RSBN1: variants seen among roughly 807,000 people sequenced by gnomAD.
The protein encoded by RSBN1 is round spermatid basic protein 1.
RSBN1 carries 23 observed loss-of-function variants against 74.8 expected under a neutral mutation model. The observed-to-expected ratio is 0.31, with a 90% CI of 0.22 to 0.44. RSBN1 has a LOEUF of 0.44. RSBN1 is among the 20% of genes least tolerant of loss of function. The pLI, the probability that RSBN1 is intolerant of heterozygous loss-of-function variation, is 1.00. For missense variants in RSBN1, 808 were observed against 1,020.9 expected, an observed-to-expected ratio of 0.79 and a Z score of 2.84; for synonymous variants, 407 against 379.6, an observed-to-expected ratio of 1.07 and a Z score of -0.84.
chr1:113,805,843 T>G (rs192534426), intron 1 of RSBN1, among the ~76,000 whole-genome samples: 1 of 152,298 alleles, frequency 6.6e-6, no homozygotes, highest in Admixed American at 6.5e-5. Context: ...GGTGGCAAAC[T>G]TCTCTAAAGA....
intron 1 of RSBN1, among the ~76,000 whole-genome samples, chr1:113,810,991 A>G (rs1660827862): frequency 6.6e-6 from 1 of 152,174 alleles, no homozygotes; most frequent in Non-Finnish European, 1.5e-5. Context: ...GAATTAACAG[A>G]TCCACAAAGT....
At chr1:113,796,486 A>T (rs1447971600) in intron 2 of RSBN1, among the ~76,000 whole-genome samples, 1 of 151,992 alleles carries the variant, frequency 6.6e-6, no homozygotes, top group Non-Finnish European at 1.5e-5. Context: ...TTACGGCAAC[A>T]ATCTATTTAC....
Position 113,768,252 on chromosome 1 carries a change from C to A in RSBN1, c.1796G>T (p.Gly599Val). 1 of 1,611,554 alleles carries A rather than the reference C, an allele frequency of 6.2e-7. No individual in the cohort carries two copies. The highest frequency in any genetic ancestry group is 8.5e-7 in the Non-Finnish European group (1 of 1,178,954). ...ACCAAATTGTACAGCTTTCAAAACT[C>A]CAACAGCAGCCGTACTCTGCCAGTC... ...GFDWQSTAAVGVLKAVQFGEW... is the reference protein window; with the variant it reads ...GFDWQSTAAVVVLKAVQFGEW... Residue 599 changes from glycine (G) to valine (V), a missense_variant, in exon 5 of 7, where the codon GGA becomes GTA. By Grantham distance (109) the Gly-to-Val change is moderately radical. Transcript: ENST00000261441.
In RSBN1 at chr1:113,797,820, T is replaced by A. The variant is rs1317402601; in HGVS notation, c.920A>T (p.Glu307Val). Residue 307 changes from glutamate to valine, a missense_variant, in exon 2 of 7, where the codon GAG becomes GTG. Physicochemically the swap from Glu to Val is moderately radical, Grantham distance 121 (BLOSUM62 -2). This residue lies in a region of RSBN1 where 85 missense variants were observed against 126.2 expected (regional missense o/e 0.67). Coordinates refer to ENST00000261441, the MANE Select transcript of RSBN1 (RefSeq NM_018364.5). ...QINSTSGLNK[E>V]SFRYLKDEQL... Reference sequence around the variant, plus strand: ...TTCATCTTTCAGATACCTGAAGGACTCCTTATTAAGTCCTGAAGTGCTATT... The same window carrying A: ...TTCATCTTTCAGATACCTGAAGGACACCTTATTAAGTCCTGAAGTGCTATT... 3 of 1,614,002 alleles carry A rather than the reference T, an allele frequency of 1.9e-6. No individual in the cohort carries two copies. In the South Asian group the frequency reaches 3.3e-5, roughly 18 times the overall value.
chr1:113,782,430 T>C (rs1371271395), intron 2 of RSBN1, among the ~76,000 whole-genome samples: 1 of 152,148 alleles, frequency 6.6e-6, no homozygotes, highest in Non-Finnish European at 1.5e-5. Context: ...AGAACTGCAC[T>C]TAAAGGAAAA....
intron 2 of RSBN1, among the ~76,000 whole-genome samples, chr1:113,778,663 A>C (rs1355378014): frequency 6.6e-6 from 1 of 152,108 alleles, no homozygotes; most frequent in Non-Finnish European, 1.5e-5. Flanking sequence ...TTTTCTCTTG[A>C]ATCTGCCCAA....
intron 2 of RSBN1, among the ~76,000 whole-genome samples, chr1:113,789,036 G>C (rs981705533): frequency 8.5e-5 from 13 of 152,116 alleles, no homozygotes; most frequent in African/African-American, 2.7e-4. Context: ...CTGAGGTAGG[G>C]CTCCTAAACT....
intron 1 of RSBN1, among the ~76,000 whole-genome samples, chr1:113,801,131 A>ACC (rs1177892962): frequency 6.6e-6 from 1 of 151,896 alleles, no homozygotes; most frequent in Non-Finnish European, 1.5e-5. Flanking sequence ...ACAGGCATGT[A>ACC]CCACCACACC....
chr1:113,788,333 A>G (rs1660300255), intron 2 of RSBN1, among the ~76,000 whole-genome samples: 1 of 152,190 alleles, frequency 6.6e-6, no homozygotes, highest in African/African-American at 2.4e-5. Context: ...TAAAGGATGG[A>G]TTTCCACATA....
At chr1:113,783,593 C>T (rs943952743) in intron 2 of RSBN1, among the ~76,000 whole-genome samples, 2 of 152,164 alleles carry the variant, frequency 1.3e-5, no homozygotes, top group African/African-American at 4.8e-5. Context: ...AAGCTAGGCT[C>T]CCTGACAGCT....
Position 113,765,869 on chromosome 1 carries a change from T to C in RSBN1, c.*111A>G, listed in dbSNP as rs1377393137. 2.7e-5 allele frequency: 20 copies of C among 751,440 alleles called. No individual in the cohort carries two copies. Among genetic ancestry groups the C allele is most frequent in the Non-Finnish European group, 4.2e-5 (20 of 472,418 alleles). The allele number at this position is 751,440 out of a possible 1,614,324, so 46.5% of individuals were successfully genotyped here. A position where few individuals can be genotyped will look rare whatever the true frequency, so the allele number is the denominator to read the frequency against. On this transcript the variant is annotated 3_prime_UTR_variant, in exon 7 of 7. Transcript: ENST00000261441. ...ATTTGTGGAATGTCATTTCTCTTTA[T>C]AGAATTATAGGCAAGATTTCTCCAA...
chr1:113,783,062 T>C (rs1660167491), intron 2 of RSBN1, among the ~76,000 whole-genome samples: 2 of 152,154 alleles, frequency 1.3e-5, no homozygotes, highest in Non-Finnish European at 1.5e-5. Context: ...ATCTGGTCCT[T>C]AATAGAAAAA....
chr1:113,792,263 T>C (rs1209117160), intron 2 of RSBN1, among the ~76,000 whole-genome samples: 2 of 152,232 alleles, frequency 1.3e-5, no homozygotes, highest in Admixed American at 6.5e-5. Flanking sequence ...TGCCAGAAGA[T>C]CTCAGAGGTG....
At chr1:113,803,632 A>C (rs932213455) in intron 1 of RSBN1, among the ~76,000 whole-genome samples, 2 of 152,218 alleles carry the variant, frequency 1.3e-5, no homozygotes, top group Admixed American at 6.5e-5. Context: ...TCAATACATC[A>C]TAACTACTAT....
chr1:113,783,630 C>G (rs938574915), intron 2 of RSBN1, among the ~76,000 whole-genome samples: 6 of 152,124 alleles, frequency 3.9e-5, no homozygotes, highest in African/African-American at 1.4e-4. Flanking sequence ...TAAGTTTGGG[C>G]CAATGAGACA....
chr1:113,792,736 G>C (rs1249545109), intron 2 of RSBN1, among the ~76,000 whole-genome samples: 3 of 152,042 alleles, frequency 2.0e-5, no homozygotes. Flanking sequence ...CAAGGCCTCA[G>C]TGAGCCATGA....
chr1:113,773,627 T>C (rs906890687), intron 4 of RSBN1, among the ~76,000 whole-genome samples: 44 of 152,236 alleles, frequency 2.9e-4, no homozygotes, highest in African/African-American at 1.1e-3. Flanking sequence ...CTGTATTATA[T>C]GAGTGGGTAT....
At position 113,761,921 on chromosome 1, in the gene RSBN1, T is replaced by C. The variant is rs1414098526; in HGVS notation, c.*4059A>G. The C allele has an allele frequency of 3.3e-5, 5 of 151,322 alleles. No homozygotes were observed. Among genetic ancestry groups the C allele is most frequent in the African/African-American group, 4.9e-5 (2 of 41,086 alleles). 9.4% of individuals were successfully genotyped at this position (151,322 alleles called of 1,614,324 possible). ...TCCATTGTCCTATTTTACAAAGAAA[T>C]AGCTTAACAATTTAACACACTTAGA... On this transcript the variant is annotated 3_prime_UTR_variant, in exon 7 of 7. Transcript: ENST00000261441.
intron 6 of RSBN1, 55 bp from the exon 7 acceptor site, chr1:113,766,508 G>A: frequency 2.6e-6 from 3 of 1,161,068 alleles, no homozygotes; most frequent in Non-Finnish European, 3.7e-6. Context: ...ATTTAGTCAA[G>A]TGAAATAATT....
Sources: gnomAD v4.1 joint callset for allele counts (sites outside exome capture counted in the v4.1 genomes callset) on GRCh38, gnomAD v4.1.1 for gene constraint, gnomAD v4.1.1 regional missense constraint, MANE v1.5 for transcripts, NCBI Gene and HGNC (gene_info 2026-07-23, HGNC 2026-07-21) for gene names.